Variants in CSDC2 observed in about 807,000 individuals in gnomAD.
CSDC2 encodes the protein cold shock domain-containing protein C2.
A neutral mutation model predicts 15.8 loss-of-function variants in CSDC2; 8 were observed. The observed-to-expected ratio is 0.51, with a 90% CI of 0.30 to 0.92. CSDC2 has a LOEUF of 0.92. Among genes scored for constraint, CSDC2 ranks in the 40% least tolerant of loss-of-function variants. The pLI, the probability that CSDC2 is intolerant of heterozygous loss-of-function variation, is 0.07. For missense variants in CSDC2, 195 were observed against 213.3 expected, an observed-to-expected ratio of 0.91 and a Z score of 0.53; for synonymous variants, 96 against 92.3, an observed-to-expected ratio of 1.04 and a Z score of -0.23.
Position 41,571,863 on chromosome 22 carries a change from G to T in CSDC2, c.-103G>T. On this transcript the variant is annotated 5_prime_UTR_variant, in exon 2 of 4. The change creates a new upstream start codon in the 5' untranslated region. Transcript: ENST00000306149. ...TCCAGACGGAGCCCGTGGCTGGTGAGGCCGCAGAGCAGGGCCAGGCCGGGC... is the reference window on the plus strand; with the variant it reads ...TCCAGACGGAGCCCGTGGCTGGTGATGCCGCAGAGCAGGGCCAGGCCGGGC... The T allele has an allele frequency of 2.8e-6, 2 of 703,360 alleles. No homozygotes were observed. Among genetic ancestry groups the T allele is most frequent in the South Asian group, 9.8e-5 (2 of 20,476 alleles). The allele number at this position is 703,360 out of a possible 1,614,324, so 43.6% of individuals were successfully genotyped here. A position where few individuals can be genotyped will look rare whatever the true frequency, so the allele number is the denominator to read the frequency against.
chr22:41,574,691 A>G, intron 3 of CSDC2, 42 bp from the exon 4 acceptor site: 1 of 1,603,228 alleles, frequency 6.2e-7, no homozygotes. Flanking sequence ...TCTGGGGCAC[A>G]GGGCCTGCTG....
At chr22:41,562,312 C>T (rs2067090683) in intron 1 of CSDC2, among the ~76,000 whole-genome samples, 1 of 151,776 alleles carries the variant, frequency 6.6e-6, no homozygotes, top group African/African-American at 2.4e-5. Flanking sequence ...TTTCCTCCTC[C>T]CAGCTTTGCC....
rs2067168879 is a variant in CSDC2 at position 41,575,176 on chromosome 22, G to C, written c.*281G>C. The C allele has an allele frequency of 2.0e-6, 1 of 507,600 alleles. No individual in the cohort carries two copies. Among genetic ancestry groups the C allele is most frequent in the Non-Finnish European group, 3.6e-6 (1 of 281,152 alleles). 31.4% of individuals were successfully genotyped at this position (507,600 alleles called of 1,614,324 possible). On this transcript the variant is annotated 3_prime_UTR_variant, in exon 4 of 4. Transcript: ENST00000306149. ...CCTCTCTCCTCCCCTCCCTGCCGCA[G>C]ACACGCAGGACCCGCTCGCCCTCCT...
rs1205276301 is a variant in CSDC2, at chr22:41,575,009, G to A, written c.*114G>A. 3.3e-6 allele frequency: 4 copies of A among 1,218,246 alleles called. No individual in the cohort carries two copies. The highest frequency in any genetic ancestry group is 4.5e-6 in the Non-Finnish European group (4 of 879,588). 75.5% of individuals were successfully genotyped at this position (1,218,246 alleles called of 1,614,324 possible). Reference sequence around the variant, plus strand: ...GCTGATGAGTCCTTCGGTGGCCTCAGTGTGCACGTCTGTCTGTCCGTCTGT... The same window carrying A: ...GCTGATGAGTCCTTCGGTGGCCTCAATGTGCACGTCTGTCTGTCCGTCTGT... On this transcript the variant is annotated 3_prime_UTR_variant, in exon 4 of 4. Transcript: ENST00000306149.
At chr22:41,572,422 ATCCATCCATCCACCTG>A in intron 2 of CSDC2, among the ~76,000 whole-genome samples, 1 of 136,256 alleles carries the variant, frequency 7.3e-6, no homozygotes, top group Non-Finnish European at 1.6e-5. Context: ...CCATCCATCC[ATCCATCCATCCACCTG>A]TCCATCCATC....
chr22:41,564,087 TAA>T (rs57009120), intron 1 of CSDC2, among the ~76,000 whole-genome samples: 32,557 of 125,612 alleles, frequency 0.26, 4,505 homozygotes, highest in Admixed American at 0.46. Flanking sequence ...CCATCTCAAT[TAA>T]AAAAAAAAAA....
intron 1 of CSDC2, among the ~76,000 whole-genome samples, chr22:41,571,303 G>A (rs1035691780): frequency 6.6e-6 from 1 of 152,156 alleles, no homozygotes; most frequent in Non-Finnish European, 1.5e-5. Flanking sequence ...GCAGTGAGCC[G>A]AGATCGTGCC....
chr22:41,576,618 A>AC lies in CSDC2; in HGVS notation c.*1729dup, dbSNP rs113517146. On this transcript the variant is annotated 3_prime_UTR_variant, in exon 4 of 4. Transcript: ENST00000306149. ...CCTCCCAAGACCCCTGGCCACCCAG[A>AC]CCCCCCATTCTTCCTAACACTGGCA... The AC allele has an allele frequency of 0.071, 11,015 of 154,760 alleles. 960 individuals carry two copies. The highest frequency in any genetic ancestry group is 0.21 in the African/African-American group (8,544 of 41,402). The allele number at this position is 154,760 out of a possible 1,614,324, so 9.6% of individuals were successfully genotyped here.
intron 1 of CSDC2, among the ~76,000 whole-genome samples, chr22:41,568,004 T>C (rs1010561813): frequency 1.3e-5 from 2 of 152,100 alleles, no homozygotes; most frequent in Non-Finnish European, 2.9e-5. Context: ...TTCCACAGCC[T>C]TGTCTAGGAG....
intron 1 of CSDC2, among the ~76,000 whole-genome samples, chr22:41,568,900 G>A (rs994255870): frequency 5.9e-5 from 9 of 152,232 alleles, no homozygotes; most frequent in African/African-American, 1.2e-4. Flanking sequence ...CCCTGGAGCC[G>A]CACAGTCACT....
intron 1 of CSDC2, among the ~76,000 whole-genome samples, chr22:41,569,853 T>C (rs943785074): frequency 7.3e-5 from 11 of 150,798 alleles, no homozygotes; most frequent in Non-Finnish European, 1.3e-4. Context: ...GGTCTTGGCT[T>C]GCTGCAACCT....
chr22:41,566,580 G>T (rs577930573), intron 1 of CSDC2, among the ~76,000 whole-genome samples: 4 of 137,362 alleles, frequency 2.9e-5, no homozygotes, highest in African/African-American at 1.1e-4. Flanking sequence ...GCAGTGAGCC[G>T]AGATCACGCC....
intron 2 of CSDC2, among the ~76,000 whole-genome samples, chr22:41,573,303 T>C (rs1036651157): frequency 6.6e-6 from 1 of 151,204 alleles, no homozygotes; most frequent in African/African-American, 2.4e-5. Context: ...TGCAGTGAGC[T>C]GAGATTGCAC....
intron 1 of CSDC2, among the ~76,000 whole-genome samples, chr22:41,565,876 C>A (rs1426522006): frequency 6.6e-6 from 1 of 152,178 alleles, no homozygotes; most frequent in South Asian, 2.1e-4. Flanking sequence ...GGCTCAGAGC[C>A]CAAACTCAGG....
chr22:41,562,979 G>A (rs1569046315), intron 1 of CSDC2, among the ~76,000 whole-genome samples: 2 of 152,154 alleles, frequency 1.3e-5, no homozygotes, highest in African/African-American at 4.8e-5. Context: ...GCACAGCCAA[G>A]CACAGGTGGG....
chr22:41,570,603 A>G (rs1160368443), intron 1 of CSDC2, among the ~76,000 whole-genome samples: 1 of 151,966 alleles, frequency 6.6e-6, no homozygotes, highest in East Asian at 1.9e-4. Flanking sequence ...AGGTAGATCA[A>G]CTGAGGTCAG....
intron 1 of CSDC2, among the ~76,000 whole-genome samples, chr22:41,569,020 C>T (rs936987880): frequency 5.2e-4 from 80 of 152,386 alleles, no homozygotes; most frequent in Admixed American, 1.5e-3. Context: ...CTCCCTGCCC[C>T]TCCATGGCCT....
At chr22:41,574,567 G>A (rs1019947173) in intron 3 of CSDC2, among the ~76,000 whole-genome samples, 166 bp from the exon 4 acceptor site, 1 of 152,204 alleles carries the variant, frequency 6.6e-6, no homozygotes, top group Admixed American at 6.5e-5. Flanking sequence ...GCCCAGCCAT[G>A]AGTCCCGTTT....
chr22:41,575,287 G>T lies in CSDC2; in HGVS notation c.*392G>T. 1 of 220,536 alleles carries T rather than the reference G, an allele frequency of 4.5e-6. No homozygotes were observed. 13.7% of individuals were successfully genotyped at this position (220,536 alleles called of 1,614,324 possible). A position where few individuals can be genotyped will look rare whatever the true frequency, so the allele number is the denominator to read the frequency against. The stretch of plus-strand genomic sequence containing the variant: ...TCCGCCCCTGAGCTGTCCCGTGTCA[G>T]TCCCTGGCCCGGAGCCAGGCTCTCT... On this transcript the variant is annotated 3_prime_UTR_variant, in exon 4 of 4. Transcript: ENST00000306149.
Sources: allele counts gnomAD v4.1 joint callset (sites outside exome capture counted in the v4.1 genomes callset), GRCh38; gene constraint gnomAD v4.1.1; transcripts MANE v1.5; gene names NCBI Gene and HGNC (gene_info 2026-07-23, HGNC 2026-07-21).